MBTD1: variants seen among roughly 807,000 people sequenced by gnomAD.
The protein encoded by MBTD1 is mbt domain containing 1.
A neutral mutation model predicts 87.8 loss-of-function variants in MBTD1; 24 were observed. The observed-to-expected ratio is 0.27, with a 90% confidence interval of 0.20 to 0.38. MBTD1 has a LOEUF of 0.38. Among genes scored for constraint, MBTD1 ranks in the 10% least tolerant of loss-of-function variants. MBTD1 has a pLI of 1.00. For synonymous variants in MBTD1, 237 were observed against 248.6 expected (o/e 0.95, Z 0.44); for missense variants, 436 against 760.2 (o/e 0.57, Z 5.02).
intron 12 of MBTD1, among the ~76,000 whole-genome samples, chr17:51,197,405 C>CT (rs1225995672): frequency 1.3e-5 from 2 of 151,680 alleles, no homozygotes; most frequent in Admixed American, 6.6e-5. Context: ...TTGTTTTTGG[C>CT]TTTTTCCTGC....
intron 2 of MBTD1, among the ~76,000 whole-genome samples, chr17:51,255,101 T>C (rs1054413449): frequency 3.3e-5 from 5 of 152,084 alleles, no homozygotes; most frequent in Admixed American, 6.5e-5. Context: ...GCCAATATGA[T>C]GAAACCCCAC....
At position 51,232,378 on chromosome 17, in the gene MBTD1, T is replaced by G. The variant is rs143107156; in HGVS notation, c.-48-7169A>C. The stretch of plus-strand genomic sequence containing the variant: ...CAAACACATAATAAGTAATCCACCA[T>G]GAGCAAGCATCAGCAGAAACTGATT... On this transcript the variant is annotated intron_variant, in intron 2 of 16. Coordinates refer to ENST00000586178, the MANE Select transcript of MBTD1 (RefSeq NM_017643.3). Among the ~76,000 whole-genome samples the G allele has an allele frequency of 8.4e-3, 1,281 of 152,176 alleles. 6 individuals carry two copies. The highest frequency in any genetic ancestry group is 0.013 in the Non-Finnish European group (879 of 68,010).
chr17:51,185,108 T>C (rs1227480831), intron 16 of MBTD1: 2 of 152,066 alleles, frequency 1.3e-5, no homozygotes, highest in East Asian at 1.9e-4. Context: ...AAAACCCCCA[T>C]AGGTGCAAAA....
chr17:51,208,129 G>C (rs2051956210), intron 6 of MBTD1, among the ~76,000 whole-genome samples: 1 of 152,160 alleles, frequency 6.6e-6, no homozygotes, highest in South Asian at 2.1e-4. Context: ...CCCAACAGGA[G>C]GATTAGCCTA....
Position 51,246,724 on chromosome 17 carries a change from C to T in MBTD1, c.-49+12419G>A, listed in dbSNP as rs537607243. 1.2e-4 allele frequency among the ~76,000 whole-genome samples: 18 copies of T among 152,302 alleles called. No individual in the cohort carries two copies. In the East Asian group the frequency reaches 2.9e-3, roughly 24 times the overall value. On this transcript the variant is annotated intron_variant, in intron 2 of 16. Transcript: ENST00000586178. ...AATCTCGGCTCACTGCAACCTCCGC[C>T]TCCAGGGTTCAAGCAATTCTCCCAC...
chr17:51,193,546 T>A, intron 13 of MBTD1, 36 bp from the exon 14 acceptor site: 1 of 1,130,454 alleles, frequency 8.8e-7, no homozygotes, highest in Non-Finnish European at 1.3e-6. Context: ...GCAGTTCATT[T>A]AAAATTAGCA....
At chr17:51,224,621 G>C (rs1011714310) in intron 3 of MBTD1, among the ~76,000 whole-genome samples, 1 of 152,124 alleles carries the variant, frequency 6.6e-6, no homozygotes, top group African/African-American at 2.4e-5. Flanking sequence ...GAATATCCAA[G>C]CACCAGTTAT....
At chr17:51,233,060 CAAAAAAAAA>C (rs11457634) in intron 2 of MBTD1, among the ~76,000 whole-genome samples, 2 of 40,514 alleles carry the variant, frequency 4.9e-5, no homozygotes, top group South Asian at 3.8e-3. Context: ...CTTCCCTCAC[CAAAAAAAAA>C]AAAAAAAAAA....
At chr17:51,244,289 T>G (rs2054309761) in intron 2 of MBTD1, among the ~76,000 whole-genome samples, 1 of 152,252 alleles carries the variant, frequency 6.6e-6, no homozygotes, top group Admixed American at 6.5e-5. Flanking sequence ...CATACCTACC[T>G]ATTCATTATC....
chr17:51,260,947 C>T, upstream of MBTD1: 1 of 1,504,336 alleles, frequency 6.6e-7, no homozygotes, highest in Non-Finnish European at 8.8e-7. Context: ...CCGCGGCGCG[C>T]GGGCTGGGCG....
intron 2 of MBTD1, among the ~76,000 whole-genome samples, chr17:51,232,211 A>C (rs1177729380): frequency 6.6e-6 from 1 of 152,152 alleles, no homozygotes; most frequent in Non-Finnish European, 1.5e-5. Context: ...CAGGCCAAGA[A>C]ATTAAAGTGG....
chr17:51,258,429 G>C (rs78452106), intron 2 of MBTD1, among the ~76,000 whole-genome samples: 1 of 151,492 alleles, frequency 6.6e-6, no homozygotes, highest in East Asian at 1.9e-4. Flanking sequence ...AATATAAGGA[G>C]AATTAAAAAT....
At chr17:51,213,667 C>A (rs1252148975) in intron 6 of MBTD1, among the ~76,000 whole-genome samples, 1 of 152,020 alleles carries the variant, frequency 6.6e-6, no homozygotes, top group African/African-American at 2.4e-5. Flanking sequence ...ACTAGCTGAA[C>A]CAGATGATTT....
chr17:51,234,183 A>G (rs1396686090), intron 2 of MBTD1, among the ~76,000 whole-genome samples: 2 of 152,034 alleles, frequency 1.3e-5, no homozygotes, highest in Non-Finnish European at 2.9e-5. Flanking sequence ...TGAGGTCGTC[A>G]GGAGTTCGAG....
chr17:51,198,211 T>C lies in MBTD1; in HGVS notation c.1225-2850A>G, dbSNP rs528508907. Among the ~76,000 whole-genome samples, 11 of 152,350 alleles carry C rather than the reference T, an allele frequency of 7.2e-5. No homozygotes were observed. The South Asian group carries it at 1.0e-3, about 14-fold the overall frequency. ...AATCTCTGTCTTGACTTTGCTATCT[T>C]ATTTGATATAATTGCTTTCAGCCAT... is the stretch of plus-strand genomic sequence containing the variant. On this transcript the variant is annotated intron_variant, in intron 12 of 16. Coordinates refer to ENST00000586178, the MANE Select transcript of MBTD1 (RefSeq NM_017643.3).
chr17:51,193,561 A>T, intron 13 of MBTD1, 51 bp from the exon 14 acceptor site: 4 of 981,918 alleles, frequency 4.1e-6, no homozygotes, highest in Non-Finnish European at 6.4e-6. Flanking sequence ...TTAGCATAAT[A>T]TTAAAATGCA....
At chr17:51,242,008 CT>C (rs1425815364) in intron 2 of MBTD1, among the ~76,000 whole-genome samples, 3 of 152,186 alleles carry the variant, frequency 2.0e-5, no homozygotes, top group Non-Finnish European at 2.9e-5. Context: ...CATTTCCTTA[CT>C]TTCTTGCATA....
At chr17:51,230,670 G>A (rs540728380) in intron 2 of MBTD1, among the ~76,000 whole-genome samples, 20 of 152,256 alleles carry the variant, frequency 1.3e-4, no homozygotes, top group African/African-American at 4.8e-4. Flanking sequence ...GAGGGCTTTT[G>A]GGCTAGAATA....
In MBTD1 at chr17:51,216,609, T is replaced by A. The variant is rs1000215968; in HGVS notation, c.486+725A>T. ...GACTTAACATTTGGAGACAAAAAAA[T>A]TAGAAAAAAGATCCTTCCTCTTCTG... On this transcript the variant is annotated intron_variant, in intron 6 of 16. Transcript: ENST00000586178. Among the ~76,000 whole-genome samples, 10 of 152,146 alleles carry A rather than the reference T, an allele frequency of 6.6e-5. 1 individual carries two copies. The highest frequency in any genetic ancestry group is 5.2e-4 in the Admixed American group (8 of 15,282).
Sources: allele counts gnomAD v4.1 joint callset (sites outside exome capture counted in the v4.1 genomes callset), GRCh38; gene constraint gnomAD v4.1.1; transcripts MANE v1.5; gene names NCBI Gene and HGNC (gene_info 2026-07-23, HGNC 2026-07-21).